Variants in PSKH2 observed in about 807,000 individuals in gnomAD.
PSKH2 encodes the protein serine/threonine-protein kinase H2.
Under a neutral mutation model 22.5 loss-of-function variants are expected in PSKH2, and 16 were observed. That is an observed-to-expected ratio of 0.71 (90% CI 0.48 to 1.08). The LOEUF (loss-of-function observed/expected upper bound fraction) is 1.08. PSKH2 is among the 50% of genes least tolerant of loss of function. PSKH2 has a pLI of 0.00. For missense variants in PSKH2, 516 were observed against 492.8 expected (o/e 1.05, Z -0.44); for synonymous variants, 188 against 184.8 (o/e 1.02, Z -0.14).
chr8:86,048,325 G>T lies in PSKH2; in HGVS notation c.*137C>A. 1.5e-6 allele frequency: 1 copy of T among 657,284 alleles called. No homozygotes were observed. The highest frequency in any genetic ancestry group is 2.5e-6 in the Non-Finnish European group (1 of 399,916). The allele number at this position is 657,284 out of a possible 1,614,324, so 40.7% of individuals were successfully genotyped here. A position where few individuals can be genotyped will look rare whatever the true frequency, so the allele number is the denominator to read the frequency against. On this transcript the variant is annotated 3_prime_UTR_variant, in exon 3 of 3. Coordinates refer to ENST00000276616, the MANE Select transcript of PSKH2 (RefSeq NM_033126.3). Reference sequence around the variant, plus strand: ...GAATACAGGTATAGGAAAAATTATAGAACAAGAAAATGTTAAAAGTCAAGA... The same window carrying T: ...GAATACAGGTATAGGAAAAATTATATAACAAGAAAATGTTAAAAGTCAAGA...
intron 2 of PSKH2, among the ~76,000 whole-genome samples, chr8:86,051,286 C>T (rs1182425197): frequency 6.6e-6 from 1 of 152,084 alleles, no homozygotes; most frequent in Non-Finnish European, 1.5e-5. Context: ...CCGGGTTTCG[C>T]CACGTTAGCC....
At chr8:86,065,807 T>C (rs1183517850) in intron 1 of PSKH2, among the ~76,000 whole-genome samples, 1 of 152,040 alleles carries the variant, frequency 6.6e-6, no homozygotes, top group Non-Finnish European at 1.5e-5. Context: ...ACCCCTTCTC[T>C]ATAACAAATT....
At chr8:86,053,012 A>G (rs967428928) in intron 2 of PSKH2, among the ~76,000 whole-genome samples, 1 of 152,222 alleles carries the variant, frequency 6.6e-6, no homozygotes, top group African/African-American at 2.4e-5. Flanking sequence ...AAATGATTCA[A>G]AGGAATTCGG....
chr8:86,052,675 A>G (rs1020344535), intron 2 of PSKH2, among the ~76,000 whole-genome samples: 1 of 152,198 alleles, frequency 6.6e-6, no homozygotes, highest in Middle Eastern at 3.2e-3. Context: ...AAATTATCCA[A>G]TAATTCTCAA....
At chr8:86,062,703 CTG>C (rs749938478) in intron 2 of PSKH2, among the ~76,000 whole-genome samples, 7 of 152,198 alleles carry the variant, frequency 4.6e-5, no homozygotes, top group Non-Finnish European at 8.8e-5. Flanking sequence ...CCATGCAGAA[CTG>C]TGAGACAGCT....
chr8:86,063,792 C>T (rs1165585442), intron 2 of PSKH2, among the ~76,000 whole-genome samples, 173 bp downstream of exon 2: 1 of 152,166 alleles, frequency 6.6e-6, no homozygotes, highest in Non-Finnish European at 1.5e-5. Context: ...GGGGGCCCCA[C>T]AACTGGGGGA....
At chr8:86,048,870 T>A (rs12549188) in intron 2 of PSKH2, 103 bp from the exon 3 acceptor site, 382,230 of 1,069,630 alleles carry the variant, frequency 0.36, 71,836 homozygotes, top group East Asian at 0.49. Flanking sequence ...GCCAATCGAA[T>A]CCAAAAAACT....
In PSKH2 at chr8:86,048,153, A is replaced by T. The variant is rs1817555245; in HGVS notation, c.*309T>A. Among the ~76,000 whole-genome samples, 1 of 152,216 alleles carries T rather than the reference A, an allele frequency of 6.6e-6. No individual in the cohort carries two copies. Among genetic ancestry groups the T allele is most frequent in the Non-Finnish European group, 1.5e-5 (1 of 68,026 alleles). On this transcript the variant is annotated 3_prime_UTR_variant, in exon 3 of 3. Coordinates refer to ENST00000276616, the MANE Select transcript of PSKH2 (RefSeq NM_033126.3). ...TCTGGTTCACCATGCCTTCACATAT[A>T]CATCCCTTATTTCTATAGTATTGTA...
chr8:86,063,023 G>A lies in PSKH2; in HGVS notation c.852+942C>T, dbSNP rs184195221. Reference sequence around the variant, plus strand: ...ATTTTTCAGACTTTTAATAATCAGTGGTATTGCATTGTCTGTGAATTCTTC... The same window carrying A: ...ATTTTTCAGACTTTTAATAATCAGTAGTATTGCATTGTCTGTGAATTCTTC... On this transcript the variant is annotated intron_variant, in intron 2 of 2. Transcript: ENST00000276616. Among the ~76,000 whole-genome samples, 204 of 152,230 alleles carry A rather than the reference G, an allele frequency of 1.3e-3. 1 individual carries two copies. The highest frequency in any genetic ancestry group is 6.0e-3 in the Admixed American group (92 of 15,280).
chr8:86,063,840 C>T (rs903737977), intron 2 of PSKH2, 125 bp downstream of exon 2: 4 of 718,608 alleles, frequency 5.6e-6, no homozygotes, highest in Non-Finnish European at 9.0e-6. Context: ...GGCAGTGATG[C>T]TGCTAAGCAT....
Position 86,048,530 on chromosome 8 carries a change from T to G in PSKH2, c.1090A>C (p.Lys364Gln), listed in dbSNP as rs1817562246. ...CTCTTGCTCCACATATGCCTGGATTTGTGAGAATAATGTGACTTAGAAGAC... is the reference window on the plus strand; with the variant it reads ...CTCTTGCTCCACATATGCCTGGATTGGTGAGAATAATGTGACTTAGAAGAC... ...AQSSKSHYSH[K>Q]SRHMWSKRNL... Residue 364 changes from lysine (K) to glutamine (Q), a missense_variant, in exon 3 of 3, where the codon AAA becomes CAA. Coordinates refer to ENST00000276616, the MANE Select transcript of PSKH2 (RefSeq NM_033126.3). The G allele has an allele frequency of 6.2e-7, 1 of 1,614,164 alleles. No homozygotes were observed. Among genetic ancestry groups the G allele is most frequent in the East Asian group, 2.2e-5 (1 of 44,878 alleles).
intron 2 of PSKH2, among the ~76,000 whole-genome samples, chr8:86,059,622 G>T (rs60922663): frequency 0.023 from 3,423 of 152,108 alleles, 131 homozygotes; most frequent in African/African-American, 0.078. Context: ...ACTTGTGATC[G>T]TATTGGGCCT....
At chr8:86,067,520 C>T (rs1222439773) in intron 1 of PSKH2, among the ~76,000 whole-genome samples, 2 of 151,516 alleles carry the variant, frequency 1.3e-5, no homozygotes, top group African/African-American at 4.8e-5. Context: ...CACTTTTACC[C>T]CTCCACTCTC....
At chr8:86,058,470 T>C (rs1817734914) in intron 2 of PSKH2, among the ~76,000 whole-genome samples, 1 of 152,234 alleles carries the variant, frequency 6.6e-6, no homozygotes, top group African/African-American at 2.4e-5. Context: ...ACTCATGCAG[T>C]TATAAATCAG....
Position 86,069,539 on chromosome 8 carries a change from G to T in PSKH2, c.84C>A (p.Gly28=). ...WAKHEGQNQA[G]VGGAGPGPEA... is the part of the protein sequence containing the mutation. ...CGGGCCCAGGCCCCGCGCCTCCGAC[G>T]CCGGCTTGGTTTTGACCTTCGTGCT... is the stretch of plus-strand genomic sequence containing the variant. The change falls in exon 1 of 3, where the codon GGC becomes GGA. Residue 28 remains glycine, a synonymous_variant. Coordinates refer to ENST00000276616, the MANE Select transcript of PSKH2 (RefSeq NM_033126.3). 6.2e-7 allele frequency: 1 copy of T among 1,608,680 alleles called. No individual in the cohort carries two copies. Among genetic ancestry groups the T allele is most frequent in the Non-Finnish European group, 8.5e-7 (1 of 1,178,376 alleles).
intron 2 of PSKH2, among the ~76,000 whole-genome samples, chr8:86,052,499 G>A (rs909381797): frequency 5.3e-5 from 8 of 152,160 alleles, no homozygotes; most frequent in Non-Finnish European, 8.8e-5. Flanking sequence ...TCTCCTTCAC[G>A]AGATTGCCAT....
intron 2 of PSKH2, among the ~76,000 whole-genome samples, chr8:86,051,290 G>A (rs1005943200): frequency 2.0e-5 from 3 of 152,040 alleles, no homozygotes; most frequent in Non-Finnish European, 2.9e-5. Flanking sequence ...GTTTCGCCAC[G>A]TTAGCCAGGC....
chr8:86,053,270 C>T (rs1367216757), intron 2 of PSKH2, among the ~76,000 whole-genome samples: 2 of 152,132 alleles, frequency 1.3e-5, no homozygotes, highest in Non-Finnish European at 2.9e-5. Flanking sequence ...CTCTCTAACC[C>T]ATCTCCCCAG....
intron 2 of PSKH2, among the ~76,000 whole-genome samples, chr8:86,060,040 A>G (rs1817754902): frequency 6.6e-6 from 1 of 152,188 alleles, no homozygotes; most frequent in South Asian, 2.1e-4. Context: ...AAAATATCTG[A>G]CAGTATTAAA....
Sources: allele counts gnomAD v4.1 joint callset (sites outside exome capture counted in the v4.1 genomes callset), GRCh38; gene constraint gnomAD v4.1.1; transcripts MANE v1.5; gene names NCBI Gene and HGNC (gene_info 2026-07-23, HGNC 2026-07-21).